SYNJ2BP: variants seen among roughly 807,000 people sequenced by gnomAD.
SYNJ2BP encodes the protein synaptojanin-2-binding protein.
A neutral mutation model predicts 16.9 loss-of-function variants in SYNJ2BP; 10 were observed. The ratio of observed to expected loss-of-function variants is 0.59; its 90% CI spans 0.36 to 1.00. SYNJ2BP has a LOEUF of 1.00. Among genes scored for constraint, SYNJ2BP ranks in the 50% least tolerant of loss-of-function variants. The probability of loss-of-function intolerance (pLI) is 0.01; values close to 1 mark genes in which losing one functional copy is unlikely to be tolerated. For missense variants in SYNJ2BP, 162 were observed against 186.7 expected (o/e 0.87, Z 0.77); for synonymous variants, 54 against 68.4 (o/e 0.79, Z 1.04).
At chr14:70,393,853 T>C (rs1888030682) in intron 1 of SYNJ2BP, among the ~76,000 whole-genome samples, 1 of 151,774 alleles carries the variant, frequency 6.6e-6, no homozygotes, top group African/African-American at 2.4e-5. Flanking sequence ...ACCTAATGCA[T>C]GCGGAGCTTA....
At chr14:70,378,799 G>C (rs1359134339) in intron 2 of SYNJ2BP, among the ~76,000 whole-genome samples, 1 of 152,140 alleles carries the variant, frequency 6.6e-6, no homozygotes, top group Admixed American at 6.5e-5. Context: ...TAAGCTGCAA[G>C]CTGAGTCATG....
rs1887490769 is a variant in SYNJ2BP at position 70,370,318 on chromosome 14, G to A, written c.*2673C>T. 6.6e-6 allele frequency: 1 copy of A among 152,182 alleles called. No individual in the cohort carries two copies. The highest frequency in any genetic ancestry group is 2.4e-5 in the African/African-American group (1 of 41,438). The allele number at this position is 152,182 out of a possible 1,614,324, so 9.4% of individuals were successfully genotyped here. A position where few individuals can be genotyped will look rare whatever the true frequency, so the allele number is the denominator to read the frequency against. On this transcript the variant is annotated 3_prime_UTR_variant, in exon 4 of 4. Transcript: ENST00000256366. The stretch of plus-strand genomic sequence containing the variant: ...GGAGGTAAGCAAGCTTGCTGTAGAA[G>A]CCGCTGTACATGCCTTCAGGAACAG...
At chr14:70,402,973 A>T (rs1289114807) in intron 1 of SYNJ2BP, among the ~76,000 whole-genome samples, 1 of 152,240 alleles carries the variant, frequency 6.6e-6, no homozygotes, top group East Asian at 1.9e-4. Context: ...CTTAAAGTTG[A>T]CATAACAAAC....
rs1372452919 is a variant in SYNJ2BP at position 70,368,676 on chromosome 14, C to G, written c.*4315G>C. The G allele has an allele frequency of 7.2e-6, 1 of 139,348 alleles. No homozygotes were observed. The highest frequency in any genetic ancestry group is 1.6e-5 in the Non-Finnish European group (1 of 62,566). 8.6% of individuals were successfully genotyped at this position (139,348 alleles called of 1,614,324 possible). On this transcript the variant is annotated 3_prime_UTR_variant, in exon 4 of 4. Transcript: ENST00000256366. Reference sequence around the variant, plus strand: ...GTGCAGAAGCTCAGGAAGCTGGGCTCTAAAGGCCCAAGTTTTTGTTGTTGT... The same window carrying G: ...GTGCAGAAGCTCAGGAAGCTGGGCTGTAAAGGCCCAAGTTTTTGTTGTTGT...
At chr14:70,416,770 A>T (rs990074453) in intron 1 of SYNJ2BP, 130 bp downstream of exon 1, 4 of 1,356,510 alleles carry the variant, frequency 2.9e-6, no homozygotes, top group Admixed American at 2.0e-5. Flanking sequence ...AGCACCCCGA[A>T]GCGTTGCACG....
intron 1 of SYNJ2BP, among the ~76,000 whole-genome samples, chr14:70,407,301 G>A (rs542661649): frequency 1.1e-4 from 16 of 152,060 alleles, no homozygotes; most frequent in African/African-American, 3.1e-4. Flanking sequence ...AGTGGCAGGC[G>A]CCTGTAGTCC....
intron 1 of SYNJ2BP, among the ~76,000 whole-genome samples, chr14:70,411,642 A>G (rs181747663): frequency 3.3e-5 from 5 of 152,144 alleles, no homozygotes; most frequent in African/African-American, 1.2e-4. Flanking sequence ...CTTAGGCCAT[A>G]CTCATCCCTG....
chr14:70,386,371 C>T (rs1887859250), intron 2 of SYNJ2BP, among the ~76,000 whole-genome samples: 1 of 152,196 alleles, frequency 6.6e-6, no homozygotes, highest in Non-Finnish European at 1.5e-5. Flanking sequence ...CTAGGAGAAG[C>T]TTAATGGACT....
At chr14:70,407,514 C>A (rs1426561730) in intron 1 of SYNJ2BP, among the ~76,000 whole-genome samples, 4 of 106,418 alleles carry the variant, frequency 3.8e-5, no homozygotes, top group African/African-American at 1.6e-4. Flanking sequence ...TCTCAAAGCA[C>A]CAATTTTGTG....
chr14:70,393,201 T>C (rs1888016157), intron 1 of SYNJ2BP, among the ~76,000 whole-genome samples: 1 of 152,026 alleles, frequency 6.6e-6, no homozygotes, highest in African/African-American at 2.4e-5. Context: ...CAACAACATA[T>C]AAAGAAAAGC....
At chr14:70,384,143 A>G (rs535877894) in intron 2 of SYNJ2BP, among the ~76,000 whole-genome samples, 2 of 152,304 alleles carry the variant, frequency 1.3e-5, no homozygotes, top group Admixed American at 1.3e-4. Context: ...CTTGGGGAGA[A>G]TGAAAAGGTT....
chr14:70,388,740 T>A, intron 1 of SYNJ2BP, 134 bp from the exon 2 acceptor site: 2 of 1,298,236 alleles, frequency 1.5e-6, no homozygotes, highest in Non-Finnish European at 2.0e-6. Context: ...CGAGTCAGCC[T>A]GTGATGGAGC....
intron 1 of SYNJ2BP, among the ~76,000 whole-genome samples, chr14:70,390,398 G>A (rs1317308879): frequency 6.6e-6 from 1 of 151,916 alleles, no homozygotes; most frequent in Non-Finnish European, 1.5e-5. Flanking sequence ...GCCGGGCGCG[G>A]TGGCTCACGA....
intron 2 of SYNJ2BP, among the ~76,000 whole-genome samples, chr14:70,385,623 C>T (rs1887844806): frequency 6.6e-6 from 1 of 152,114 alleles, no homozygotes; most frequent in Non-Finnish European, 1.5e-5. Context: ...TGAAGTGATC[C>T]ACCCTCATCA....
At chr14:70,396,401 C>T (rs12887715) in intron 1 of SYNJ2BP, among the ~76,000 whole-genome samples, 75,083 of 151,910 alleles carry the variant, frequency 0.49, 20,313 homozygotes, top group Non-Finnish European at 0.6. Flanking sequence ...ACAGGCATGA[C>T]CCACCGCGCC....
intron 1 of SYNJ2BP, among the ~76,000 whole-genome samples, chr14:70,407,396 C>T (rs1888369206): frequency 6.7e-6 from 1 of 149,448 alleles, no homozygotes; most frequent in Non-Finnish European, 1.5e-5. Flanking sequence ...TGCCACTGCA[C>T]TCCAGCCTGG....
At chr14:70,409,565 A>G (rs1367848795) in intron 1 of SYNJ2BP, among the ~76,000 whole-genome samples, 1 of 152,096 alleles carries the variant, frequency 6.6e-6, no homozygotes, top group Admixed American at 6.5e-5. Flanking sequence ...TTTCTTTAGT[A>G]TTGTTTTGAA....
chr14:70,415,800 G>C (rs1888593428), intron 1 of SYNJ2BP, among the ~76,000 whole-genome samples: 2 of 152,110 alleles, frequency 1.3e-5, no homozygotes, highest in Admixed American at 6.5e-5. Flanking sequence ...TTGGAATACA[G>C]TATTAGTAGG....
chr14:70,405,878 ATTGT>A (rs1305388127), intron 1 of SYNJ2BP, among the ~76,000 whole-genome samples: 13 of 152,298 alleles, frequency 8.5e-5, no homozygotes, highest in Admixed American at 4.6e-4. Context: ...AGGTCTTTTG[ATTGT>A]TTGGGAAACC....
Sources: gnomAD v4.1 joint callset for allele counts (sites outside exome capture counted in the v4.1 genomes callset) on GRCh38, gnomAD v4.1.1 for gene constraint, MANE v1.5 for transcripts, NCBI Gene and HGNC (gene_info 2026-07-23, HGNC 2026-07-21) for gene names.